Variants in RBFOX1 observed in about 807,000 individuals in gnomAD.
RBFOX1 encodes the protein RNA binding fox-1 homolog 1.
Under a neutral mutation model 57.7 loss-of-function variants are expected in RBFOX1, and 8 were observed. That is an observed-to-expected ratio of 0.14 (90% confidence interval 0.08 to 0.25). RBFOX1 has a LOEUF of 0.25. RBFOX1 is among the 10% of genes least tolerant of loss of function. RBFOX1 has a pLI of 1.00. For synonymous variants in RBFOX1, 326 were observed against 222.4 expected (o/e 1.47, Z -4.15); for missense variants, 611 against 548.5 (o/e 1.11, Z -1.14).
intron 5 of RBFOX1, among the ~76,000 whole-genome samples, chr16:7,529,106 CA>C (rs2079372148): frequency 6.6e-6 from 1 of 151,984 alleles, no homozygotes. Context: ...ACAAAAAGTA[CA>C]AAAATTAGCC....
chr16:5,658,762 GTATGTATA>G lies in RBFOX1; in HGVS notation c.318+59821_318+59828del, dbSNP rs553777072. Among the ~76,000 whole-genome samples the G allele has an allele frequency of 4.0e-3, 555 of 138,716 alleles. 1 individual carries two copies. Among genetic ancestry groups the G allele is most frequent in the Non-Finnish European group, 5.8e-3 (382 of 65,692 alleles). 91.0% of individuals were successfully genotyped at this position (138,716 alleles called of 152,430 possible). On this transcript the variant is annotated intron_variant, in intron 3 of 19. Coordinates refer to the RBFOX1 transcript ENST00000641259. Reference sequence around the variant, plus strand: ...TAAATGTGTATATATATATATATGTGTATGTATATATGTATATATGTATATATATAATA... The same window carrying G: ...TAAATGTGTATATATATATATATGTGTATGTATATATGTATATATATAATA...
chr16:7,360,671 C>G (rs781677240), intron 4 of RBFOX1, among the ~76,000 whole-genome samples: 1 of 152,192 alleles, frequency 6.6e-6, no homozygotes, highest in Admixed American at 6.5e-5. Context: ...CTTGGAATGC[C>G]TGTGTCCCTG....
intron 2 of RBFOX1, among the ~76,000 whole-genome samples, chr16:6,437,637 A>T (rs527652826): frequency 6.6e-6 from 1 of 152,318 alleles, no homozygotes; most frequent in South Asian, 2.1e-4. Context: ...AAGAGGTTTA[A>T]TTGACTCAGA....
intron 1 of RBFOX1, among the ~76,000 whole-genome samples, chr16:6,211,302 C>A (rs983221202): frequency 6.7e-6 from 1 of 148,676 alleles, no homozygotes; most frequent in Non-Finnish European, 1.5e-5. Flanking sequence ...GATCTCCGCT[C>A]ACTGCAAGCT....
intron 4 of RBFOX1, among the ~76,000 whole-genome samples, chr16:7,184,241 T>C (rs142702264): frequency 1.2e-4 from 19 of 152,284 alleles, no homozygotes; most frequent in Middle Eastern, 6.8e-3. Context: ...ACTTCTTTGC[T>C]TATAGCAAGG....
chr16:7,372,773 G>C (rs111845787), intron 4 of RBFOX1, among the ~76,000 whole-genome samples: 8 of 152,086 alleles, frequency 5.3e-5, no homozygotes, highest in African/African-American at 1.9e-4. Context: ...AGAAGAGAGG[G>C]AGAAAGGGAG....
intron 7 of RBFOX1, among the ~76,000 whole-genome samples, chr16:7,593,906 G>T (rs543874102): frequency 6.6e-6 from 1 of 152,252 alleles, no homozygotes; most frequent in East Asian, 1.9e-4. Flanking sequence ...CACATCCCCT[G>T]TCTTCTGTGG....
intron 1 of RBFOX1, among the ~76,000 whole-genome samples, chr16:6,148,540 A>T (rs2096775473): frequency 6.6e-6 from 1 of 152,126 alleles, no homozygotes; most frequent in Non-Finnish European, 1.5e-5. Flanking sequence ...AAGGCAGGAA[A>T]ACCTTATCAA....
At chr16:7,219,321 C>A (rs954968454) in intron 4 of RBFOX1, among the ~76,000 whole-genome samples, 6 of 152,162 alleles carry the variant, frequency 3.9e-5, no homozygotes, top group Non-Finnish European at 5.9e-5. Flanking sequence ...AATAGAGATG[C>A]TTTTAATGAG....
chr16:5,935,426 G>C (rs1356647265), intron 4 of RBFOX1, among the ~76,000 whole-genome samples: 2 of 152,202 alleles, frequency 1.3e-5, no homozygotes, highest in African/African-American at 4.8e-5. Flanking sequence ...GGCAGCATAA[G>C]GAGATTTAGG....
chr16:5,962,699 G>C (rs980126358), intron 4 of RBFOX1, among the ~76,000 whole-genome samples: 2 of 152,098 alleles, frequency 1.3e-5, no homozygotes, highest in Admixed American at 6.6e-5. Flanking sequence ...TTATCATTAA[G>C]AGTAATTATA....
intron 3 of RBFOX1, among the ~76,000 whole-genome samples, chr16:5,663,638 C>T (rs1324934569): frequency 1.3e-5 from 2 of 152,162 alleles, no homozygotes; most frequent in African/African-American, 4.8e-5. Context: ...TGAAGGTAGC[C>T]AGCAGCTGTA....
chr16:5,263,535 A>G (rs1416118972), intron 1 of RBFOX1, among the ~76,000 whole-genome samples: 2 of 152,192 alleles, frequency 1.3e-5, no homozygotes, highest in Admixed American at 1.3e-4. Flanking sequence ...CATGGTGCAA[A>G]ATATGAGTGA....
chr16:5,938,871 G>T (rs948276842), intron 4 of RBFOX1, among the ~76,000 whole-genome samples: 3 of 152,084 alleles, frequency 2.0e-5, no homozygotes, highest in African/African-American at 7.2e-5. Context: ...GAAAATAAAT[G>T]GTTATTGTTT....
chr16:7,408,340 C>T (rs891852281), intron 4 of RBFOX1, among the ~76,000 whole-genome samples: 1 of 152,110 alleles, frequency 6.6e-6, no homozygotes, highest in Admixed American at 6.5e-5. Flanking sequence ...AATACGGCGA[C>T]TGTATTCATT....
At position 7,303,686 on chromosome 16, in the gene RBFOX1, C is replaced by G. The variant is rs376185007; in HGVS notation, c.28-214461C>G. The stretch of plus-strand genomic sequence containing the variant: ...AGGAGACAGACAGCATCAGAACCAA[C>G]GGAGTGAGCTTCAGTGTGAGTCAAA... On this transcript the variant is annotated intron_variant, in intron 4 of 15. Transcript: ENST00000550418. Among the ~76,000 whole-genome samples, 124 of 152,228 alleles carry G rather than the reference C, an allele frequency of 8.1e-4. 4 individuals are homozygous for G. In the South Asian group the frequency reaches 0.026, roughly 31 times the overall value.
chr16:5,796,131 T>C (rs2054869929), intron 3 of RBFOX1, among the ~76,000 whole-genome samples: 1 of 152,160 alleles, frequency 6.6e-6, no homozygotes, highest in African/African-American at 2.4e-5. Flanking sequence ...TGAGCTGTTT[T>C]GGAAGGTCAT....
At chr16:6,948,675 C>G (rs1036972647) in intron 3 of RBFOX1, among the ~76,000 whole-genome samples, 1 of 152,074 alleles carries the variant, frequency 6.6e-6, no homozygotes, top group Non-Finnish European at 1.5e-5. Flanking sequence ...AGCCACCACG[C>G]CTGGCGTTGT....
intron 3 of RBFOX1, among the ~76,000 whole-genome samples, chr16:6,935,798 A>G (rs2077268975): frequency 6.6e-6 from 1 of 152,206 alleles, no homozygotes; most frequent in South Asian, 2.1e-4. Context: ...AGCACAGAGC[A>G]TGCATGTCTC....
Sources: allele counts gnomAD v4.1 joint callset (sites outside exome capture counted in the v4.1 genomes callset), GRCh38; gene constraint gnomAD v4.1.1; transcripts MANE v1.5; gene names NCBI Gene and HGNC (gene_info 2026-07-23, HGNC 2026-07-21).